SV2C: variants seen among roughly 807,000 people sequenced by gnomAD.
SV2C encodes synaptic vesicle glycoprotein 2C.
A neutral mutation model predicts 79.7 loss-of-function variants in SV2C; 49 were observed. The ratio of observed to expected loss-of-function variants is 0.61; its 90% confidence interval spans 0.49 to 0.78. SV2C has a LOEUF of 0.78. Ranked by LOEUF, SV2C falls within the 30% of genes least tolerant of loss-of-function variation. SV2C has a pLI of 0.00. For missense variants in SV2C, 833 were observed against 912.9 expected (o/e 0.91, Z 1.13); for synonymous variants, 334 against 333.2 (o/e 1.00, Z -0.03).
chr5:76,010,409 G>A, the SV2C span, among the ~76,000 whole-genome samples: 63 of 152,240 alleles, frequency 4.1e-4, no homozygotes, highest in Middle Eastern at 6.8e-3. Flanking sequence ...GTTAATGTGC[G>A]TGTTCAAGGG....
chr5:76,041,555 G>T, the SV2C span, among the ~76,000 whole-genome samples: 1 of 152,158 alleles, frequency 6.6e-6, no homozygotes, highest in South Asian at 2.1e-4. Context: ...AAGGAATTCT[G>T]GGATCCCAGG....
intron 1 of SV2C, among the ~76,000 whole-genome samples, chr5:76,088,969 C>T (rs1288660745): frequency 6.6e-6 from 1 of 152,120 alleles, no homozygotes; most frequent in East Asian, 1.9e-4. Flanking sequence ...TAAATATTGT[C>T]AAATGAATTA....
chr5:76,031,778 TTA>T, the SV2C span, among the ~76,000 whole-genome samples: 1 of 152,188 alleles, frequency 6.6e-6, no homozygotes, highest in African/African-American at 2.4e-5. Context: ...ACATTAGAAA[TTA>T]TGTTATTAAG....
chr5:76,077,083 T>A, the SV2C span, among the ~76,000 whole-genome samples: 2 of 152,180 alleles, frequency 1.3e-5, no homozygotes, highest in Non-Finnish European at 2.9e-5. Context: ...AAATAGTGGA[T>A]AAGTAGCAAT....
intron 2 of SV2C, among the ~76,000 whole-genome samples, chr5:76,156,580 AG>A (rs1353072776): frequency 2.0e-5 from 3 of 152,176 alleles, no homozygotes; most frequent in East Asian, 3.8e-4. Flanking sequence ...GAGAGCAAAC[AG>A]GTGTTGAATT....
chr5:76,167,715 A>C (rs1743085960), intron 2 of SV2C, among the ~76,000 whole-genome samples: 1 of 152,234 alleles, frequency 6.6e-6, no homozygotes. Flanking sequence ...AATAAGTGTC[A>C]GAGGCTGGAT....
rs116637461 is a variant in SV2C at position 76,243,878 on chromosome 5, T to C, written c.913+33991T>C. 1.4e-3 allele frequency among the ~76,000 whole-genome samples: 211 copies of C among 152,294 alleles called. 1 individual carries two copies. The highest frequency in any genetic ancestry group is 4.2e-3 in the Admixed American group (65 of 15,296). On this transcript the variant is annotated intron_variant, in intron 4 of 12. Transcript: ENST00000502798. ...AACTCACATGCAGCCACACTGGCCT[T>C]GCTCTGCTCTGAATACGCCAAAAAC...
intron 3 of SV2C, among the ~76,000 whole-genome samples, chr5:76,195,905 CTTAAAAG>C (rs1195195244): frequency 6.6e-6 from 1 of 152,048 alleles, no homozygotes; most frequent in Non-Finnish European, 1.5e-5. Context: ...TTCCCCTGAA[CTTAAAAG>C]TTAAATATAT....
intron 2 of SV2C, among the ~76,000 whole-genome samples, chr5:76,137,293 C>T (rs1015505974): frequency 6.6e-6 from 1 of 152,142 alleles, no homozygotes; most frequent in Admixed American, 6.5e-5. Flanking sequence ...ATGAAGAAAT[C>T]CCTAACTGTA....
chr5:75,999,091 C>G, the SV2C span, among the ~76,000 whole-genome samples: 1 of 152,030 alleles, frequency 6.6e-6, no homozygotes, highest in African/African-American at 2.4e-5. Context: ...AAGGGAACTC[C>G]TCTTTTTAAA....
chr5:76,249,352 C>T (rs1250799993), intron 4 of SV2C, among the ~76,000 whole-genome samples: 1 of 152,062 alleles, frequency 6.6e-6, no homozygotes, highest in Non-Finnish European at 1.5e-5. Context: ...CAAGAAATGC[C>T]TGATGCTAGA....
chr5:76,294,276 T>C (rs991252675), intron 8 of SV2C, among the ~76,000 whole-genome samples: 3 of 151,364 alleles, frequency 2.0e-5, no homozygotes, highest in African/African-American at 7.3e-5. Flanking sequence ...ATTTTAATAC[T>C]ACATTTTGTT....
At chr5:76,082,582 T>C (rs1747028841), upstream of SV2C, among the ~76,000 whole-genome samples, 1 of 151,384 alleles carries the variant, frequency 6.6e-6, no homozygotes, top group African/African-American at 2.4e-5. Context: ...TCTTTTTCTT[T>C]CTTTCTTTCT....
chr5:76,210,030 T>C lies in SV2C; in HGVS notation c.913+143T>C, dbSNP rs1744723919. ...CTCCCTTTCATAGTGTCCAGGAGTTTTTCCCCTCTGTGTAGAGATCTGTAT... is the reference window on the plus strand; with the variant it reads ...CTCCCTTTCATAGTGTCCAGGAGTTCTTCCCCTCTGTGTAGAGATCTGTAT... On this transcript the variant is annotated intron_variant, in intron 4 of 12. Coordinates refer to ENST00000502798, the MANE Select transcript of SV2C (RefSeq NM_014979.4). The C allele has an allele frequency of 1.8e-5, 19 of 1,038,294 alleles. No homozygotes were observed. The East Asian group carries it at 5.0e-4, about 27-fold the overall frequency. 64.3% of individuals were successfully genotyped at this position (1,038,294 alleles called of 1,614,324 possible).
rs146546726 is a variant in SV2C at position 76,239,406 on chromosome 5, G to A, written c.913+29519G>A. Among the ~76,000 whole-genome samples, 1,198 of 152,282 alleles carry A rather than the reference G, an allele frequency of 7.9e-3. 9 individuals carry two copies. The highest frequency in any genetic ancestry group is 0.065 in the Middle Eastern group (19 of 294). ...GCATAACAAATCACTCCAAAACTCC[G>A]TGGCTTAAAACAATAACCATTTATT... On this transcript the variant is annotated intron_variant, in intron 4 of 12. Transcript: ENST00000502798.
At chr5:76,083,541 G>T (rs76131769) in intron 1 of SV2C, 29 bp downstream of exon 1, 3 of 152,364 alleles carry the variant, frequency 2.0e-5, no homozygotes, top group African/African-American at 7.2e-5. Context: ...GCGGGCATCC[G>T]CGGGGAGACT....
intron 2 of SV2C, among the ~76,000 whole-genome samples, chr5:76,183,030 A>ATCTTTTT (rs58317002): frequency 3.9e-5 from 4 of 102,072 alleles, no homozygotes; most frequent in South Asian, 3.3e-4. Flanking sequence ...AGAACCTACC[A>ATCTTTTT]TTTTTTTTTT....
the SV2C span, among the ~76,000 whole-genome samples, chr5:75,898,332 G>A: frequency 6.6e-6 from 1 of 152,136 alleles, no homozygotes; most frequent in Non-Finnish European, 1.5e-5. Context: ...TAATCATGTG[G>A]TTTTTGTCTT....
intron 2 of SV2C, among the ~76,000 whole-genome samples, chr5:76,163,020 A>C (rs1379848032): frequency 6.6e-6 from 1 of 152,324 alleles, no homozygotes; most frequent in East Asian, 1.9e-4. Context: ...AATTCAGAGG[A>C]ATCCAGTTTA....
Sources: allele counts gnomAD v4.1 joint callset (sites outside exome capture counted in the v4.1 genomes callset), GRCh38; gene constraint gnomAD v4.1.1; transcripts MANE v1.5; gene names NCBI Gene and HGNC (gene_info 2026-07-23, HGNC 2026-07-21).